CEP120: variants seen among roughly 807,000 people sequenced by gnomAD.
CEP120 encodes the protein centrosomal protein 120.
A neutral mutation model predicts 126.5 loss-of-function variants in CEP120; 113 were observed. That is an observed-to-expected ratio of 0.89 (90% CI 0.77 to 1.04). The LOEUF (loss-of-function observed/expected upper bound fraction) is 1.04. Among genes scored for constraint, CEP120 ranks in the 50% least tolerant of loss-of-function variants. The pLI is 0.00. For synonymous variants in CEP120, 400 were observed against 394.3 expected (o/e 1.01, Z -0.17); for missense variants, 1,230 against 1,155.7 (o/e 1.06, Z -0.93).
intron 14 of CEP120, among the ~76,000 whole-genome samples, chr5:123,380,499 T>C (rs1771562250): frequency 6.6e-6 from 1 of 152,050 alleles, no homozygotes. Context: ...AGGGTAGAAG[T>C]GTATAAATGG....
chr5:123,369,188 A>G (rs1020420962), intron 17 of CEP120, among the ~76,000 whole-genome samples: 4 of 151,914 alleles, frequency 2.6e-5, no homozygotes, highest in Non-Finnish European at 5.9e-5. Context: ...CCTACTTAAA[A>G]CCTTTCAATG....
At chr5:123,413,222 T>C (rs1313984181) in intron 3 of CEP120, among the ~76,000 whole-genome samples, 1 of 151,558 alleles carries the variant, frequency 6.6e-6, no homozygotes, top group Non-Finnish European at 1.5e-5. Context: ...CAGTGAGCCA[T>C]GATCACACCA....
chr5:123,416,409 A>T (rs1487771517), intron 2 of CEP120, among the ~76,000 whole-genome samples: 1 of 151,922 alleles, frequency 6.6e-6, no homozygotes, highest in Non-Finnish European at 1.5e-5. Context: ...AAAATTAAAA[A>T]AAACAAAAAA....
intron 18 of CEP120, among the ~76,000 whole-genome samples, chr5:123,350,578 C>T (rs184863840): frequency 2.6e-4 from 39 of 152,244 alleles, no homozygotes; most frequent in Admixed American, 2.2e-3. Context: ...CAATGAACAG[C>T]CAAAAGGCTA....
chr5:123,351,171 C>T (rs1040591259), intron 18 of CEP120, among the ~76,000 whole-genome samples: 25 of 152,156 alleles, frequency 1.6e-4, no homozygotes, highest in Non-Finnish European at 3.4e-4. Flanking sequence ...CTGCCAGAAT[C>T]CCAGAAGTCT....
In CEP120 at chr5:123,418,530, T is replaced by C; in HGVS notation, c.50-15A>G. 1 of 1,562,500 alleles carries C rather than the reference T, an allele frequency of 6.4e-7. No individual in the cohort carries two copies. The highest frequency in any genetic ancestry group is 1.4e-5 in the African/African-American group (1 of 73,372). ...GAAATGCCGACCTGGAGAAACAGAA[T>C]ATATAGATTAATCAAAAGTGTACAA... On this transcript the variant is annotated splice_polypyrimidine_tract_variant and intron_variant, in intron 1 of 19. Coordinates refer to ENST00000306467, the MANE Select transcript of CEP120 (RefSeq NM_001375405.1).
intron 5 of CEP120, among the ~76,000 whole-genome samples, chr5:123,396,339 T>A (rs1772790333): frequency 6.6e-6 from 1 of 152,178 alleles, no homozygotes. Flanking sequence ...GCTGATCATG[T>A]GGTAATTCTG....
chr5:123,388,715 G>A, intron 8 of CEP120, 109 bp from the exon 9 acceptor site: 2 of 845,420 alleles, frequency 2.4e-6, no homozygotes, highest in Non-Finnish European at 3.4e-6. Context: ...GCAGGAATTG[G>A]GCTATTTTGT....
intron 4 of CEP120, among the ~76,000 whole-genome samples, chr5:123,400,216 G>A (rs951468846): frequency 3.3e-5 from 5 of 152,130 alleles, no homozygotes; most frequent in African/African-American, 1.2e-4. Context: ...AAGTCGCATA[G>A]ACCAAGGTTC....
At chr5:123,350,318 ATCC>A in intron 18 of CEP120, among the ~76,000 whole-genome samples, 2 of 152,240 alleles carry the variant, frequency 1.3e-5, no homozygotes, top group African/African-American at 4.8e-5. Flanking sequence ...GGTTCAAGCA[ATCC>A]TCCTGCTTCG....
intron 1 of CEP120, 67 bp from the exon 2 acceptor site, chr5:123,418,582 G>GT (rs1210259958): frequency 1.6e-5 from 20 of 1,215,120 alleles, no homozygotes; most frequent in Non-Finnish European, 1.9e-5. Flanking sequence ...TTTACCATGT[G>GT]TTTTTTTGTT....
chr5:123,410,475 A>G (rs1161386366), intron 4 of CEP120, among the ~76,000 whole-genome samples: 1 of 152,240 alleles, frequency 6.6e-6, no homozygotes, highest in East Asian at 1.9e-4. Context: ...TTGCATTGAC[A>G]AACAAATAGA....
intron 1 of CEP120, among the ~76,000 whole-genome samples, chr5:123,421,878 C>A (rs1007458790): frequency 6.6e-6 from 1 of 152,146 alleles, no homozygotes; most frequent in African/African-American, 2.4e-5. Context: ...TCTCTTGTTC[C>A]AAAATTCAAA....
At chr5:123,395,903 C>T (rs1045526125) in intron 5 of CEP120, among the ~76,000 whole-genome samples, 2 of 151,410 alleles carry the variant, frequency 1.3e-5, no homozygotes, top group African/African-American at 2.4e-5. Context: ...AGGATGGTCT[C>T]GATCTCCTGA....
rs150887058 is a variant in CEP120, at chr5:123,386,614, A to G, written c.1484T>C (p.Val495Ala). The G allele has an allele frequency of 2.2e-5, 35 of 1,593,770 alleles. No homozygotes were observed. In the African/African-American group the frequency reaches 4.6e-4, roughly 21 times the overall value. The change falls in exon 10 of 20, where the codon GTA (valine) becomes GCA (alanine). Residue 495 changes from valine (V) to alanine (A), a missense_variant. Val to Ala is a moderately conservative substitution (Grantham distance 64). Coordinates refer to ENST00000306467, the MANE Select transcript of CEP120 (RefSeq NM_001375405.1). ...AACTTCCATGTTTTTCCGAACTTCT[A>G]CAGGAGGATTAGTCATAATAGGAGC... ...SAAPIMTNPP[V>A]EVRKNMEVFL... is the part of the protein sequence containing the mutation.
At position 123,393,646 on chromosome 5, in the gene CEP120, A is replaced by G. The variant is rs142470230; in HGVS notation, c.613-149T>C. On this transcript the variant is annotated intron_variant, in intron 5 of 19. Coordinates refer to ENST00000306467, the MANE Select transcript of CEP120 (RefSeq NM_001375405.1). ...AATAAAATTTCTGAATTTCTGCCAA[A>G]TTACTACCAAATTACTATTTTTTTA... 25 of 640,296 alleles carry G rather than the reference A, an allele frequency of 3.9e-5. No homozygotes were observed. In the African/African-American group the frequency reaches 4.4e-4, roughly 11 times the overall value. 39.7% of individuals were successfully genotyped at this position (640,296 alleles called of 1,614,324 possible).
intron 14 of CEP120, 58 bp downstream of exon 14, chr5:123,382,053 A>G (rs942107543): frequency 1.7e-6 from 2 of 1,191,736 alleles, no homozygotes; most frequent in African/African-American, 3.1e-5. Context: ...TAACGCAAAT[A>G]CAAGATATTA....
At chr5:123,403,894 A>T (rs1444758481) in intron 4 of CEP120, among the ~76,000 whole-genome samples, 1 of 152,206 alleles carries the variant, frequency 6.6e-6, no homozygotes, top group Non-Finnish European at 1.5e-5. Context: ...TCAATGTAAC[A>T]TCTAATTCTA....
At chr5:123,372,811 A>T in intron 16 of CEP120, 39 bp from the exon 17 acceptor site, 1 of 1,508,958 alleles carries the variant, frequency 6.6e-7, no homozygotes, top group South Asian at 1.2e-5. Context: ...AAACAATGAT[A>T]TGCAAAGTTT....
Sources: gnomAD v4.1 joint callset for allele counts (sites outside exome capture counted in the v4.1 genomes callset) on GRCh38, gnomAD v4.1.1 for gene constraint, MANE v1.5 for transcripts, NCBI Gene and HGNC (gene_info 2026-07-23, HGNC 2026-07-21) for gene names.